Variants in ECE1 observed in about 807,000 individuals in gnomAD.
ECE1 encodes endothelin-converting enzyme 1.
In ECE1, 35 loss-of-function variants were observed where a neutral mutation model predicts 98.6. That is an observed-to-expected ratio of 0.35 (90% CI 0.27 to 0.47). ECE1 has a LOEUF of 0.47. Among genes scored for constraint, ECE1 ranks in the 20% least tolerant of loss-of-function variants. The probability of loss-of-function intolerance (pLI) is 1.00; values close to 1 mark genes in which losing one functional copy is unlikely to be tolerated. For synonymous variants in ECE1, 394 were observed against 407.1 expected, an observed-to-expected ratio of 0.97 and a Z score of 0.39; for missense variants, 814 against 1,025.3, an observed-to-expected ratio of 0.79 and a Z score of 2.81.
chr1:21,343,769 G>A (rs1263086002), intron 1 of ECE1, among the ~76,000 whole-genome samples: 1 of 152,164 alleles, frequency 6.6e-6, no homozygotes, highest in Non-Finnish European at 1.5e-5. Flanking sequence ...TCAGTTGTAA[G>A]GATCTATAAA....
chr1:21,316,549 C>T (rs990061249), intron 1 of ECE1, among the ~76,000 whole-genome samples: 2 of 152,096 alleles, frequency 1.3e-5, no homozygotes, highest in African/African-American at 4.8e-5. Flanking sequence ...GCTGGGATTA[C>T]AGGTGTGAGC....
At chr1:21,271,631 A>C (rs2098240330) in intron 4 of ECE1, among the ~76,000 whole-genome samples, 1 of 152,118 alleles carries the variant, frequency 6.6e-6, no homozygotes, top group Non-Finnish European at 1.5e-5. Flanking sequence ...TAAGGTGGGC[A>C]GCTTTATGGT....
intron 1 of ECE1, among the ~76,000 whole-genome samples, chr1:21,332,410 C>T (rs371035680): frequency 3.7e-4 from 56 of 151,624 alleles, no homozygotes; most frequent in Non-Finnish European, 6.5e-4. Flanking sequence ...ACAAGAATCT[C>T]GTCGCTTATT....
intron 11 of ECE1, among the ~76,000 whole-genome samples, chr1:21,237,662 G>A (rs1573946866): frequency 6.6e-6 from 1 of 152,330 alleles, no homozygotes; most frequent in East Asian, 1.9e-4. Flanking sequence ...CCACATTGCA[G>A]ATGATGTAAG....
In ECE1 at chr1:21,233,781, A is replaced by AGGGCTT. The variant is rs1263999220; in HGVS notation, c.1567-126_1567-121dup. ...ATCTGCAGGCTGGAGACCGGAATGC[A>AGGGCTT]GGGCTTGGGGCTGCAGGGTCAGCTC... On this transcript the variant is annotated intron_variant, in intron 13 of 18. Coordinates refer to ENST00000374893, the MANE Select transcript of ECE1 (RefSeq NM_001397.3). This position sits in a 1 kb window ranked among gnomAD's most constrained non-coding sequence, Gnocchi z 4.0. 5 of 920,236 alleles carry AGGGCTT rather than the reference A, an allele frequency of 5.4e-6. No homozygotes were observed. The highest frequency in any genetic ancestry group is 6.8e-6 in the Non-Finnish European group (4 of 584,640). 57.0% of individuals were successfully genotyped at this position (920,236 alleles called of 1,614,324 possible). A position where few individuals can be genotyped will look rare whatever the true frequency, so the allele number is the denominator to read the frequency against.
At chr1:21,283,347 T>C (rs569460661) in intron 2 of ECE1, among the ~76,000 whole-genome samples, 2 of 152,150 alleles carry the variant, frequency 1.3e-5, no homozygotes, top group African/African-American at 4.8e-5. Context: ...CTCTGTTCAC[T>C]GCAACCTCTG....
chr1:21,308,538 A>T (rs1168306064), intron 1 of ECE1, among the ~76,000 whole-genome samples: 1 of 152,102 alleles, frequency 6.6e-6, no homozygotes, highest in South Asian at 2.1e-4. Flanking sequence ...ACCCTTTGGG[A>T]TCAGAGACAA....
chr1:21,247,494 A>T, intron 8 of ECE1, 131 bp from the exon 9 acceptor site: 1 of 1,369,048 alleles, frequency 7.3e-7, no homozygotes, highest in Non-Finnish European at 1.0e-6. Flanking sequence ...CACCGGGCAG[A>T]GAGTCAAGCG....
intron 2 of ECE1, among the ~76,000 whole-genome samples, chr1:21,283,501 C>A (rs979314233): frequency 3.3e-5 from 5 of 152,186 alleles, no homozygotes; most frequent in African/African-American, 1.2e-4. Context: ...AAACTCCCGA[C>A]CTCAGGTGAT....
At chr1:21,330,694 T>G (rs1041407290) in intron 1 of ECE1, among the ~76,000 whole-genome samples, 1 of 152,214 alleles carries the variant, frequency 6.6e-6, no homozygotes, top group African/African-American at 2.4e-5. Flanking sequence ...CTTCTGAGTT[T>G]CCTTTCTCTC....
chr1:21,265,202 T>A (rs1049304596), intron 4 of ECE1, among the ~76,000 whole-genome samples: 2 of 152,208 alleles, frequency 1.3e-5, no homozygotes, highest in African/African-American at 2.4e-5. Flanking sequence ...AAGGAATGAA[T>A]GACAGAGAAA....
At chr1:21,296,945 C>T (rs1638368834) in intron 1 of ECE1, among the ~76,000 whole-genome samples, 1 of 152,092 alleles carries the variant, frequency 6.6e-6, no homozygotes, top group Non-Finnish European at 1.5e-5. Context: ...AGCAGGTGGG[C>T]AGGGGCTGGG....
rs1028713335 is a variant in ECE1, at chr1:21,345,473, C to A, written c.-95G>T. 5 of 1,157,362 alleles carry A rather than the reference C, an allele frequency of 4.3e-6. No homozygotes were observed. In the Admixed American group the frequency reaches 1.5e-4, roughly 34 times the overall value. The allele number at this position is 1,157,362 out of a possible 1,614,324, so 71.7% of individuals were successfully genotyped here. A position where few individuals can be genotyped will look rare whatever the true frequency, so the allele number is the denominator to read the frequency against. The stretch of plus-strand genomic sequence containing the variant: ...CCTGCTCCCAGCCCAGCTGCTCGGA[C>A]GGCTCGGCTGCCTGGCCCAGGCGGC... On this transcript the variant is annotated 5_prime_UTR_variant, in exon 1 of 19. Transcript: ENST00000415912. The surrounding 1 kb of genome is among the most constrained non-coding windows in gnomAD (Gnocchi z 5.1).
At chr1:21,277,864 T>C (rs1355031225) in intron 3 of ECE1, among the ~76,000 whole-genome samples, 1 of 152,224 alleles carries the variant, frequency 6.6e-6, no homozygotes, top group Admixed American at 6.5e-5. Flanking sequence ...ATTTCTTAAG[T>C]ACAACCTATC....
chr1:21,339,050 G>A (rs1027916990), intron 1 of ECE1, among the ~76,000 whole-genome samples: 4 of 152,058 alleles, frequency 2.6e-5, no homozygotes, highest in Non-Finnish European at 4.4e-5. Context: ...TAGGGGTGGG[G>A]GTTAGTGGAG....
chr1:21,269,474 C>T (rs1473883047), intron 4 of ECE1, among the ~76,000 whole-genome samples: 1 of 152,190 alleles, frequency 6.6e-6, no homozygotes, highest in Non-Finnish European at 1.5e-5. Context: ...AGCATCCCTA[C>T]TAATGAGCTG....
chr1:21,229,433 G>A (rs1051365498), intron 14 of ECE1, among the ~76,000 whole-genome samples: 1 of 151,826 alleles, frequency 6.6e-6, no homozygotes, highest in Non-Finnish European at 1.5e-5. Context: ...GAACCCTGTT[G>A]GTACTTTTAG....
chr1:21,243,945 G>A (rs1019981620), intron 10 of ECE1, among the ~76,000 whole-genome samples: 2 of 152,264 alleles, frequency 1.3e-5, no homozygotes, highest in African/African-American at 4.8e-5. Flanking sequence ...CTTCCTGCCA[G>A]AGGTAGGTTT....
At chr1:21,328,764 G>GAAAAAAAA (rs35883969) in intron 1 of ECE1, among the ~76,000 whole-genome samples, 1 of 50,224 alleles carries the variant, frequency 2.0e-5, no homozygotes, top group Admixed American at 2.3e-4. Flanking sequence ...CCTCCATCTC[G>GAAAAAAAA]AAAAAAAAAA....
Sources: gnomAD v4.1 joint callset for allele counts (sites outside exome capture counted in the v4.1 genomes callset) on GRCh38, gnomAD v4.1.1 for gene constraint, Gnocchi (gnomAD v3.1) non-coding constraint, MANE v1.5 for transcripts, NCBI Gene and HGNC (gene_info 2026-07-23, HGNC 2026-07-21) for gene names.